The following KIF1C variants were observed in gnomAD, a reference collection of about 807,000 sequenced individuals.
KIF1C encodes the protein kinesin-like protein KIF1C.
KIF1C carries 61 observed loss-of-function variants against 126.5 expected under a neutral mutation model. The observed-to-expected ratio is 0.48, with a 90% confidence interval of 0.39 to 0.60. The LOEUF is 0.60. Among genes scored for constraint, KIF1C ranks in the 20% least tolerant of loss-of-function variants. The pLI is 0.00. For missense variants in KIF1C, 1,315 were observed against 1,489.2 expected (o/e 0.88, Z 1.93); for synonymous variants, 640 against 580.6 (o/e 1.10, Z -1.47).
chr17:5,014,698 T>A, intron 17 of KIF1C, 45 bp from the exon 18 acceptor site: 2 of 1,438,272 alleles, frequency 1.4e-6, no homozygotes, highest in Non-Finnish European at 1.9e-6. Flanking sequence ...GGGGCTTGGT[T>A]AAAGTCTGGC....
In KIF1C at chr17:5,001,393, G is replaced by A. The variant is rs372339577; in HGVS notation, c.355G>A (p.Val119Met). 4.0e-5 allele frequency: 64 copies of A among 1,613,730 alleles called. No homozygotes were observed. Among genetic ancestry groups the A allele is most frequent in the Admixed American group, 5.0e-5 (3 of 59,982 alleles). ...GRQEPGQQGI[V>M]PQLCEDLFSR... Reference sequence around the variant, plus strand: ...ACAGGAGCCAGGGCAGCAGGGCATCGTGCCCCAGGTACGCCTAGGACCTGG... The same window carrying A: ...ACAGGAGCCAGGGCAGCAGGGCATCATGCCCCAGGTACGCCTAGGACCTGG... The change falls in exon 5 of 23, where the codon GTG becomes ATG. Residue 119 changes from valine to methionine, a missense_variant. Around this residue, in one of 2 missense-constraint regions of KIF1C, gnomAD observed 874 missense variants for 1,053.2 expected, o/e 0.83. Coordinates refer to ENST00000320785, the MANE Select transcript of KIF1C (RefSeq NM_006612.6).
At chr17:5,018,869 G>C (rs1437280807) in intron 18 of KIF1C, among the ~76,000 whole-genome samples, 1 of 152,194 alleles carries the variant, frequency 6.6e-6, no homozygotes, top group Admixed American at 6.5e-5. Context: ...GTGTTTGGAA[G>C]ATAGTAGGAG....
intron 16 of KIF1C, among the ~76,000 whole-genome samples, chr17:5,013,191 A>G (rs1191190711): frequency 6.6e-6 from 1 of 152,202 alleles, no homozygotes; most frequent in Non-Finnish European, 1.5e-5. Flanking sequence ...CTGCTCACTC[A>G]GTCTCCCCCA....
At chr17:4,999,742 C>A (rs560218222) in intron 1 of KIF1C, 108 bp from the exon 2 acceptor site, 2 of 169,362 alleles carry the variant, frequency 1.2e-5, no homozygotes, top group East Asian at 3.2e-4. Context: ...GGCAGCTGTC[C>A]GTACTTTTCC....
At chr17:5,008,360 GGCCAGTATACCAGTGAAGGGATGGTGC>G (rs1276816040) in intron 16 of KIF1C, among the ~76,000 whole-genome samples, 3 of 133,174 alleles carry the variant, frequency 2.3e-5, no homozygotes, top group African/African-American at 2.5e-5. Context: ...ATGGTGCAGA[GGCCAGTATACCAGTGAAGGGATGGTGC>G]AGAGGCCAGT....
In KIF1C at chr17:5,000,211, G is replaced by C; in HGVS notation, c.-27-9G>C. 2.1e-6 allele frequency: 3 copies of C among 1,462,664 alleles called. No individual in the cohort carries two copies. Among genetic ancestry groups the C allele is most frequent in the Non-Finnish European group, 2.8e-6 (3 of 1,065,428 alleles). The allele number at this position is 1,462,664 out of a possible 1,614,324, so 90.6% of individuals were successfully genotyped here. On this transcript the variant is annotated splice_polypyrimidine_tract_variant and intron_variant, in intron 2 of 22. Transcript: ENST00000320785. ...TTCTGACCCCACCACTCCTTTCTCT[G>C]TCCTCCAGCTGAGGAGGGCAGGAGT...
In KIF1C at chr17:5,024,384, G is replaced by A; in HGVS notation, c.*233G>A. On this transcript the variant is annotated 3_prime_UTR_variant, in exon 23 of 23. Coordinates refer to ENST00000320785, the MANE Select transcript of KIF1C (RefSeq NM_006612.6). ...GAAGAGAGAGATAGGAAGCTGCCTC[G>A]GGGCCACCCCTTGCAAAGGGGGTGT... 2.3e-6 allele frequency: 1 copy of A among 435,806 alleles called. No homozygotes were observed. Among genetic ancestry groups the A allele is most frequent in the Non-Finnish European group, 4.1e-6 (1 of 246,346 alleles). 27.0% of individuals were successfully genotyped at this position (435,806 alleles called of 1,614,324 possible).
chr17:5,022,624 A>G lies in KIF1C; in HGVS notation c.2543A>G (p.Lys848Arg), dbSNP rs773380705. 3.7e-6 allele frequency: 6 copies of G among 1,607,038 alleles called. No homozygotes were observed. The highest frequency in any genetic ancestry group is 3.4e-6 in the Non-Finnish European group (4 of 1,176,258). The part of the protein sequence containing the change: ...DKLTGILQEV[K>R]LQNSSKDREL... ...CTGACGGGGATTCTGCAGGAGGTGA[A>G]GCTGCAGAACAGCAGCAAGGACCGG... Residue 848 changes from lysine to arginine, a missense_variant, in exon 22 of 23, where the codon AAG becomes AGG. By Grantham distance (26) the Lys-to-Arg change is conservative (BLOSUM62 2). This residue lies in a region of KIF1C where 441 missense variants were observed against 436.1 expected (regional missense o/e 1.01). Coordinates refer to ENST00000320785, the MANE Select transcript of KIF1C (RefSeq NM_006612.6). The surrounding 1 kb of genome is among the most constrained non-coding windows in gnomAD (Gnocchi z 4.9).
In KIF1C at chr17:5,020,706, TGGCCGTCTA is replaced by T; in HGVS notation, c.1937+36_1937+44del. The T allele has an allele frequency of 1.6e-5, 25 of 1,611,768 alleles. No homozygotes were observed. The highest frequency in any genetic ancestry group is 2.1e-5 in the Non-Finnish European group (25 of 1,178,208). On this transcript the variant is annotated intron_variant, in intron 20 of 22. Coordinates refer to ENST00000320785, the MANE Select transcript of KIF1C (RefSeq NM_006612.6). This position sits in a 1 kb window ranked among gnomAD's most constrained non-coding sequence, Gnocchi z 5.8. ...GCGAGGGGGTTACCCACGTGCCCCA[TGGCCGTCTA>T]GGCCGTCCCTCCCGGGCCTCTGGGC... is the stretch of plus-strand genomic sequence containing the variant.
At chr17:5,012,090 T>C (rs2143348283) in intron 16 of KIF1C, 1 of 152,358 alleles carries the variant, frequency 6.6e-6, no homozygotes, top group East Asian at 1.9e-4. Flanking sequence ...CCATGAGGCA[T>C]CCGTTTCCCA....
Position 4,999,983 on chromosome 17 carries a change from G to A in KIF1C, c.-28+13G>A. 2.1e-6 allele frequency: 1 copy of A among 476,420 alleles called. No individual in the cohort carries two copies. The allele number at this position is 476,420 out of a possible 1,614,324, so 29.5% of individuals were successfully genotyped here. A position where few individuals can be genotyped will look rare whatever the true frequency, so the allele number is the denominator to read the frequency against. On this transcript the variant is annotated intron_variant, in intron 2 of 22. Transcript: ENST00000320785. Reference sequence around the variant, plus strand: ...GCCAGGACGCCAGGTAACTGGGGGAGACCGCCCAGGTTCCTGCAAGCTGGA... The same window carrying A: ...GCCAGGACGCCAGGTAACTGGGGGAAACCGCCCAGGTTCCTGCAAGCTGGA...
In KIF1C at chr17:5,020,433, T is replaced by A; in HGVS notation, c.1751-59T>A. The A allele has an allele frequency of 6.7e-7, 1 of 1,501,378 alleles. No individual in the cohort carries two copies. 93.0% of individuals were successfully genotyped at this position (1,501,378 alleles called of 1,614,324 possible). A position where few individuals can be genotyped will look rare whatever the true frequency, so the allele number is the denominator to read the frequency against. Reference sequence around the variant, plus strand: ...TGCCAGATTCTCTATGCCTTGGGTGTAGGGATGGATTTGGTGCTGATGGGA... The same window carrying A: ...TGCCAGATTCTCTATGCCTTGGGTGAAGGGATGGATTTGGTGCTGATGGGA... On this transcript the variant is annotated intron_variant, in intron 19 of 22. Transcript: ENST00000320785. This position sits in a 1 kb window ranked among gnomAD's most constrained non-coding sequence, Gnocchi z 5.8.
chr17:5,022,492 G>A lies in KIF1C; in HGVS notation c.2411G>A (p.Trp804Ter). The A allele has an allele frequency of 6.3e-7, 1 of 1,587,960 alleles. No homozygotes were observed. The highest frequency in any genetic ancestry group is 8.6e-7 in the Non-Finnish European group (1 of 1,166,028). The part of the protein sequence containing the change: ...DAWRAVARDV[W>*]DTVGEEEGGG... ...TGGAGGGCTGTGGCCCGGGATGTCT[G>A]GGACACTGTAGGCGAGGAGGAAGGA... is the stretch of plus-strand genomic sequence containing the variant. Residue 804 changes from tryptophan (W) to a stop codon, truncating the protein, a stop_gained, in exon 22 of 23, where the codon TGG becomes TAG. Coordinates refer to ENST00000320785, the MANE Select transcript of KIF1C (RefSeq NM_006612.6). LOFTEE classifies it high-confidence loss of function. This position sits in a 1 kb window ranked among gnomAD's most constrained non-coding sequence, Gnocchi z 4.9.
rs141589627 is a variant in KIF1C at position 5,023,866 on chromosome 17, C to G, written c.3027C>G (p.Val1009=). 2 of 1,528,172 alleles carry G rather than the reference C, an allele frequency of 1.3e-6. No homozygotes were observed. Among genetic ancestry groups the G allele is most frequent in the Admixed American group, 4.3e-5 (2 of 46,824 alleles). The allele number at this position is 1,528,172 out of a possible 1,614,324, so 94.7% of individuals were successfully genotyped here. A position where few individuals can be genotyped will look rare whatever the true frequency, so the allele number is the denominator to read the frequency against. ...CTCCGCTCCAACCCCCTGAGGAGGT[C>G]ACTCCCCATCCAGCCACCCCTGCCC... ...APTPLQPPEE[V]TPHPATPARR... is the part of the protein sequence containing the mutation. The change falls in exon 23 of 23, where the codon GTC becomes GTG. Residue 1009 remains valine (V), a synonymous_variant. Transcript: ENST00000320785. This position sits in a 1 kb window ranked among gnomAD's most constrained non-coding sequence, Gnocchi z 4.2.
At chr17:5,010,986 A>G (rs1293257951) in intron 16 of KIF1C, among the ~76,000 whole-genome samples, 1 of 151,482 alleles carries the variant, frequency 6.6e-6, no homozygotes, top group East Asian at 2.0e-4. Context: ...AATTTTTTGA[A>G]CCATACCAAT....
intron 18 of KIF1C, among the ~76,000 whole-genome samples, chr17:5,018,495 G>C (rs147688269): frequency 0.014 from 2,196 of 151,968 alleles, 43 homozygotes; most frequent in East Asian, 0.052. Context: ...TTGGAGACCA[G>C]CCTGACCAAC....
rs1245516424 is a variant in KIF1C at position 5,024,063 on chromosome 17, G to C, written c.3224G>C (p.Gly1075Ala). 2 of 1,582,858 alleles carry C rather than the reference G, an allele frequency of 1.3e-6. No homozygotes were observed. The highest frequency in any genetic ancestry group is 3.7e-5 in the Admixed American group (2 of 54,296). The change falls in exon 23 of 23, where the codon GGG (glycine) becomes GCG (alanine). Residue 1075 changes from glycine to alanine, a missense_variant. Gly to Ala is a moderately conservative substitution (Grantham distance 60). Around this residue, in one of 2 missense-constraint regions of KIF1C, gnomAD observed 441 missense variants for 436.1 expected, o/e 1.01. Coordinates refer to ENST00000320785, the MANE Select transcript of KIF1C (RefSeq NM_006612.6). ...CCCTACCCAGCCCAGCGGCCCCCAG[G>C]GCCCCGCTACCCCCCATACACTACT... ...PQPYPAQRPP[G>A]PRYPPYTTPP...
chr17:5,020,685 G>A lies in KIF1C; in HGVS notation c.1937+7G>A, dbSNP rs1308683330. ...AGCTGGAAATGGAGAAGAGGTGCGA[G>A]GGGGTTACCCACGTGCCCCATGGCC... On this transcript the variant is annotated splice_region_variant and intron_variant, in intron 20 of 22. Coordinates refer to ENST00000320785, the MANE Select transcript of KIF1C (RefSeq NM_006612.6). The surrounding 1 kb of genome is among the most constrained non-coding windows in gnomAD (Gnocchi z 5.8). 3.1e-6 allele frequency: 5 copies of A among 1,612,996 alleles called. No individual in the cohort carries two copies. Among genetic ancestry groups the A allele is most frequent in the Admixed American group, 3.3e-5 (2 of 59,968 alleles).
chr17:5,022,481 C>T lies in KIF1C; in HGVS notation c.2400C>T (p.Ala800=), dbSNP rs1049195873. ...DGPGDAWRAV[A]RDVWDTVGEE... is the part of the protein sequence containing the mutation. ...CCGGAGACGCCTGGAGGGCTGTGGCCCGGGATGTCTGGGACACTGTAGGCG... is the reference window on the plus strand; with the variant it reads ...CCGGAGACGCCTGGAGGGCTGTGGCTCGGGATGTCTGGGACACTGTAGGCG... Residue 800 remains alanine (A), a synonymous_variant, in exon 22 of 23, where the codon GCC becomes GCT. Transcript: ENST00000320785. The surrounding 1 kb of genome is among the most constrained non-coding windows in gnomAD (Gnocchi z 4.9). 4 of 1,586,678 alleles carry T rather than the reference C, an allele frequency of 2.5e-6. No homozygotes were observed. The African/African-American group carries it at 5.4e-5, about 21-fold the overall frequency.
Sources: gnomAD v4.1 joint callset for allele counts (sites outside exome capture counted in the v4.1 genomes callset) on GRCh38, gnomAD v4.1.1 for gene constraint, gnomAD v4.1.1 regional missense constraint, Gnocchi (gnomAD v3.1) non-coding constraint, MANE v1.5 for transcripts, NCBI Gene and HGNC (gene_info 2026-07-23, HGNC 2026-07-21) for gene names.